The following EDIL3 variants were observed in gnomAD, a reference collection of about 807,000 sequenced individuals.
EDIL3 encodes the protein EGF like and discoidin domains 3, also known as EGF-like repeat and discoidin I-like domain-containing protein 3.
EDIL3 carries 37 observed loss-of-function variants against 67.4 expected under a neutral mutation model. The observed-to-expected ratio is 0.55, with a 90% CI of 0.42 to 0.72. EDIL3 has a LOEUF of 0.72. Ranked by LOEUF, EDIL3 falls within the 30% of genes least tolerant of loss-of-function variation. The pLI, the probability that EDIL3 is intolerant of heterozygous loss-of-function variation, is 0.00. For synonymous variants in EDIL3, 195 were observed against 196.3 expected, an observed-to-expected ratio of 0.99 and a Z score of 0.05; for missense variants, 527 against 586.3, an observed-to-expected ratio of 0.90 and a Z score of 1.04.
At chr5:84,277,925 C>T (rs1246074055) in intron 1 of EDIL3, among the ~76,000 whole-genome samples, 1 of 151,856 alleles carries the variant, frequency 6.6e-6, no homozygotes, top group Non-Finnish European at 1.5e-5. Context: ...ACATACAATC[C>T]CTGAAGATTC....
intron 9 of EDIL3, among the ~76,000 whole-genome samples, chr5:83,969,518 T>A (rs141784377): frequency 2.6e-5 from 4 of 151,910 alleles, no homozygotes; most frequent in Non-Finnish European, 5.9e-5. Flanking sequence ...CCCTTGTTGA[T>A]GTTCATTTAA....
chr5:84,209,854 T>G (rs942163522), intron 3 of EDIL3, among the ~76,000 whole-genome samples: 2 of 152,166 alleles, frequency 1.3e-5, no homozygotes, highest in African/African-American at 2.4e-5. Flanking sequence ...CTACTGGCAT[T>G]TTCTGTTCTA....
chr5:84,289,238 G>A (rs942023114), intron 1 of EDIL3, among the ~76,000 whole-genome samples: 5 of 152,066 alleles, frequency 3.3e-5, no homozygotes, highest in Admixed American at 6.6e-5. Flanking sequence ...TTAACATTCC[G>A]TGACATTATC....
In EDIL3 at chr5:84,337,394, T is replaced by C. The variant is rs1430548369; in HGVS notation, c.67+46914A>G. Among the ~76,000 whole-genome samples the C allele has an allele frequency of 3.9e-5, 6 of 152,252 alleles. No individual in the cohort carries two copies. In the East Asian group the frequency reaches 9.7e-4, roughly 25 times the overall value. Reference sequence around the variant, plus strand: ...AGAGGGAGTGGGGAGACTACTGAGCTAGAAATTTCCTGTACTCTGTTACAA... The same window carrying C: ...AGAGGGAGTGGGGAGACTACTGAGCCAGAAATTTCCTGTACTCTGTTACAA... On this transcript the variant is annotated intron_variant, in intron 1 of 10. Coordinates refer to ENST00000296591, the MANE Select transcript of EDIL3 (RefSeq NM_005711.5).
chr5:84,139,929 A>C (rs1748160031), intron 4 of EDIL3, among the ~76,000 whole-genome samples: 1 of 152,178 alleles, frequency 6.6e-6, no homozygotes, highest in African/African-American at 2.4e-5. Flanking sequence ...GGAGTAAAGC[A>C]TTTTGGAGCA....
intron 5 of EDIL3, 59 bp from the exon 6 acceptor site, chr5:84,106,889 T>G: frequency 6.7e-7 from 1 of 1,486,882 alleles, no homozygotes; most frequent in South Asian, 1.4e-5. Flanking sequence ...ATACAACATG[T>G]GTCTGTTCGA....
intron 1 of EDIL3, among the ~76,000 whole-genome samples, chr5:84,341,577 T>G (rs895930562): frequency 6.6e-6 from 1 of 152,134 alleles, no homozygotes; most frequent in Non-Finnish European, 1.5e-5. Flanking sequence ...GCATTGCCCA[T>G]GTAATTATTT....
intron 1 of EDIL3, among the ~76,000 whole-genome samples, chr5:84,371,120 G>A (rs1273300657): frequency 6.6e-6 from 1 of 151,150 alleles, no homozygotes; most frequent in Admixed American, 6.6e-5. Flanking sequence ...TTTGAAAAGT[G>A]TTATAATATA....
chr5:84,262,765 A>G (rs948763522), intron 1 of EDIL3, among the ~76,000 whole-genome samples: 1 of 137,750 alleles, frequency 7.3e-6, no homozygotes, highest in African/African-American at 2.7e-5. Context: ...TCCGCCTCCC[A>G]GGTCAGGCAA....
At chr5:84,159,863 T>C (rs1270778915) in intron 4 of EDIL3, among the ~76,000 whole-genome samples, 1 of 152,112 alleles carries the variant, frequency 6.6e-6, no homozygotes, top group Admixed American at 6.6e-5. Context: ...ATGTTGATAA[T>C]TTCAACTTTG....
intron 6 of EDIL3, among the ~76,000 whole-genome samples, chr5:84,093,544 G>C (rs554760531): frequency 6.6e-6 from 1 of 152,054 alleles, no homozygotes; most frequent in African/African-American, 2.4e-5. Context: ...TGCATGTATT[G>C]AAGCGCAGAG....
At chr5:84,245,827 A>G (rs1744897418) in intron 2 of EDIL3, among the ~76,000 whole-genome samples, 1 of 151,974 alleles carries the variant, frequency 6.6e-6, no homozygotes. Context: ...CTGTGCCACA[A>G]GTGATTTCAG....
At chr5:84,268,514 A>C (rs1745395730) in intron 1 of EDIL3, among the ~76,000 whole-genome samples, 1 of 152,228 alleles carries the variant, frequency 6.6e-6, no homozygotes, top group Non-Finnish European at 1.5e-5. Context: ...AATGATATGA[A>C]CTACTTCCTT....
At position 84,182,224 on chromosome 5, in the gene EDIL3, C is replaced by T. The variant is rs571360250; in HGVS notation, c.227-1703G>A. Among the ~76,000 whole-genome samples, 8 of 150,704 alleles carry T rather than the reference C, an allele frequency of 5.3e-5. No homozygotes were observed. The South Asian group carries it at 8.5e-4, about 16-fold the overall frequency. On this transcript the variant is annotated intron_variant, in intron 3 of 10. Transcript: ENST00000296591. ...GGCAGATTGCTTGAGCCCAGGAGTT[C>T]GAGACAAGCCTGGGCAACATGGTGA...
intron 1 of EDIL3, among the ~76,000 whole-genome samples, chr5:84,281,236 C>A (rs1189352593): frequency 6.6e-6 from 1 of 152,110 alleles, no homozygotes; most frequent in East Asian, 1.9e-4. Context: ...CAAAACATGA[C>A]TTTCATAATT....
Position 84,355,649 on chromosome 5 carries a change from C to G in EDIL3, c.67+28659G>C, listed in dbSNP as rs182294173. 2.6e-5 allele frequency among the ~76,000 whole-genome samples: 4 copies of G among 152,256 alleles called. No individual in the cohort carries two copies. In the East Asian group the frequency reaches 7.8e-4, roughly 30 times the overall value. ...CAGCAAATATTGCTGCCTGTTCCTTCCTCTGGAAGCTTCGTCCCAGAGGGC... is the reference window on the plus strand; with the variant it reads ...CAGCAAATATTGCTGCCTGTTCCTTGCTCTGGAAGCTTCGTCCCAGAGGGC... On this transcript the variant is annotated intron_variant, in intron 1 of 10. Coordinates refer to ENST00000296591, the MANE Select transcript of EDIL3 (RefSeq NM_005711.5).
At chr5:84,196,646 T>C (rs2112373506) in intron 3 of EDIL3, among the ~76,000 whole-genome samples, 1 of 152,128 alleles carries the variant, frequency 6.6e-6, no homozygotes, top group East Asian at 1.9e-4. Flanking sequence ...TAATGATGCA[T>C]CCAATACATC....
chr5:84,075,819 C>A (rs1746842894), intron 6 of EDIL3, among the ~76,000 whole-genome samples: 1 of 151,738 alleles, frequency 6.6e-6, no homozygotes, highest in African/African-American at 2.4e-5. Flanking sequence ...ACCATATGGT[C>A]TCGGTACTTT....
chr5:84,174,346 A>G (rs1320371262), intron 4 of EDIL3, among the ~76,000 whole-genome samples: 3 of 152,206 alleles, frequency 2.0e-5, no homozygotes, highest in Non-Finnish European at 4.4e-5. Flanking sequence ...CTAACTATAT[A>G]TTGGACAAAT....
Sources: gnomAD v4.1 joint callset for allele counts (sites outside exome capture counted in the v4.1 genomes callset) on GRCh38, gnomAD v4.1.1 for gene constraint, MANE v1.5 for transcripts, NCBI Gene and HGNC (gene_info 2026-07-23, HGNC 2026-07-21) for gene names.